Variants in PARD3 observed in about 807,000 individuals in gnomAD.
PARD3 encodes par-3 family cell polarity regulator, also known as partitioning defective 3 homolog.
In PARD3, 75 loss-of-function variants were observed where a neutral mutation model predicts 155.4. That is an observed-to-expected ratio of 0.48 (90% confidence interval 0.40 to 0.58). The LOEUF is 0.58. Among genes scored for constraint, PARD3 ranks in the 20% least tolerant of loss-of-function variants. The pLI, the probability that PARD3 is intolerant of heterozygous loss-of-function variation, is 0.00. For synonymous variants in PARD3, 576 were observed against 610.5 expected (o/e 0.94, Z 0.83); for missense variants, 1,642 against 1,721.7 (o/e 0.95, Z 0.82).
rs184826428 is a variant in PARD3, at chr10:34,494,904, T to C, written c.403+22075A>G. ...AATGTAGGATGCACTGGTAACAGGA[T>C]TGATAAGGTCTGCAAAGCTGGAGCC... On this transcript the variant is annotated intron_variant, in intron 3 of 24. Coordinates refer to ENST00000374788, the MANE Select transcript of PARD3 (RefSeq NM_001184785.2). Among the ~76,000 whole-genome samples, 18 of 152,234 alleles carry C rather than the reference T, an allele frequency of 1.2e-4. No individual in the cohort carries two copies. In the East Asian group the frequency reaches 2.1e-3, roughly 18 times the overall value.
At chr10:34,581,690 C>T (rs1008931356) in intron 2 of PARD3, among the ~76,000 whole-genome samples, 27 of 152,196 alleles carry the variant, frequency 1.8e-4, no homozygotes, top group African/African-American at 6.3e-4. Flanking sequence ...GACTCCTACA[C>T]TGCAAATCTA....
chr10:34,579,227 G>A (rs539395157), intron 2 of PARD3, among the ~76,000 whole-genome samples: 19 of 150,730 alleles, frequency 1.3e-4, no homozygotes, highest in East Asian at 2.0e-4. Context: ...CCAAGATCGC[G>A]CCACTGCGCT....
intron 2 of PARD3, among the ~76,000 whole-genome samples, chr10:34,669,576 CTTACGT>C (rs2133232750): frequency 1.3e-5 from 2 of 152,092 alleles, no homozygotes; most frequent in South Asian, 4.2e-4. Context: ...ACTTGTATTC[CTTACGT>C]TTACACAATT....
chr10:34,307,094 G>C (rs897645922), intron 20 of PARD3, among the ~76,000 whole-genome samples: 1 of 151,966 alleles, frequency 6.6e-6, no homozygotes, highest in Non-Finnish European at 1.5e-5. Flanking sequence ...GTTTCACCAT[G>C]TTAGCCAGGA....
chr10:34,387,576 G>T (rs1016182256), intron 7 of PARD3, among the ~76,000 whole-genome samples: 1 of 151,970 alleles, frequency 6.6e-6, no homozygotes. Context: ...CACGACCCCT[G>T]GCTAGTTTGT....
At chr10:34,698,922 C>T (rs1156441771) in intron 1 of PARD3, among the ~76,000 whole-genome samples, 1 of 152,132 alleles carries the variant, frequency 6.6e-6, no homozygotes, top group Non-Finnish European at 1.5e-5. Context: ...AGTGTGTCTT[C>T]CTCCCATAAC....
chr10:34,305,291 T>C (rs995332657), intron 20 of PARD3, among the ~76,000 whole-genome samples: 1 of 152,186 alleles, frequency 6.6e-6, no homozygotes, highest in Non-Finnish European at 1.5e-5. Flanking sequence ...TGGTGCCTCT[T>C]GAGAAATGTG....
At chr10:34,196,984 C>A (rs1183693972) in intron 22 of PARD3, among the ~76,000 whole-genome samples, 3 of 152,140 alleles carry the variant, frequency 2.0e-5, no homozygotes, top group Non-Finnish European at 4.4e-5. Context: ...TGTCCATCCA[C>A]CTCACGAAAT....
intron 4 of PARD3, among the ~76,000 whole-genome samples, chr10:34,456,622 A>G (rs1398818752): frequency 2.0e-5 from 3 of 152,196 alleles, no homozygotes; most frequent in Non-Finnish European, 4.4e-5. Flanking sequence ...ACTGAGTTAA[A>G]GTTTTGAACA....
At chr10:34,130,170 A>G (rs999895963) in intron 23 of PARD3, among the ~76,000 whole-genome samples, 3 of 152,114 alleles carry the variant, frequency 2.0e-5, no homozygotes, top group Non-Finnish European at 2.9e-5. Context: ...CCAAGATCCT[A>G]GAGTCCAAAA....
At chr10:34,706,220 A>G (rs947955252) in intron 1 of PARD3, among the ~76,000 whole-genome samples, 5 of 152,152 alleles carry the variant, frequency 3.3e-5, no homozygotes, top group African/African-American at 1.2e-4. Context: ...TATAATTCCT[A>G]TTTTCAGAGG....
chr10:34,388,278 G>A (rs1376218327), intron 7 of PARD3, among the ~76,000 whole-genome samples: 1 of 152,014 alleles, frequency 6.6e-6, no homozygotes, highest in Non-Finnish European at 1.5e-5. Flanking sequence ...AAAGGAAAGT[G>A]GTACAATCTG....
At chr10:34,608,975 A>G (rs1247363949) in intron 2 of PARD3, among the ~76,000 whole-genome samples, 1 of 152,226 alleles carries the variant, frequency 6.6e-6, no homozygotes, top group Non-Finnish European at 1.5e-5. Flanking sequence ...ACCAACCAAT[A>G]TGAGGACCTT....
At chr10:34,394,375 G>C (rs978389736) in intron 7 of PARD3, among the ~76,000 whole-genome samples, 4 of 151,996 alleles carry the variant, frequency 2.6e-5, no homozygotes, top group African/African-American at 4.8e-5. Context: ...TGCCAAGCTG[G>C]AGTACAGTGG....
intron 22 of PARD3, among the ~76,000 whole-genome samples, chr10:34,214,530 T>C (rs1951908259): frequency 6.6e-6 from 1 of 152,116 alleles, no homozygotes. Flanking sequence ...CCACAACCAA[T>C]ATATAAATGA....
At chr10:34,753,064 C>T (rs1460289344) in intron 1 of PARD3, among the ~76,000 whole-genome samples, 1 of 152,218 alleles carries the variant, frequency 6.6e-6, no homozygotes, top group East Asian at 1.9e-4. Flanking sequence ...GCACTTCAGT[C>T]ATCTCAGCCT....
chr10:34,721,682 T>TC (rs1358036377), intron 1 of PARD3, among the ~76,000 whole-genome samples: 3 of 152,196 alleles, frequency 2.0e-5, no homozygotes, highest in African/African-American at 7.2e-5. Context: ...GACATAAGAT[T>TC]CCCAGCTCTC....
At chr10:34,750,514 A>G (rs1246067673) in intron 1 of PARD3, among the ~76,000 whole-genome samples, 1 of 143,446 alleles carries the variant, frequency 7.0e-6, no homozygotes, top group African/African-American at 2.6e-5. Flanking sequence ...CACACACCCT[A>G]AGACTATAGA....
rs547938804 is a variant in PARD3 at position 34,201,791 on chromosome 10, A to G, written c.3419+67866T>C. ...AGGATACAGAGCTTCCATTATCGTA[A>G]AAACTAAAGGGAAGAAACGTCGTTC... On this transcript the variant is annotated intron_variant, in intron 22 of 24. Transcript: ENST00000374788. 2.0e-5 allele frequency among the ~76,000 whole-genome samples: 3 copies of G among 152,292 alleles called. No homozygotes were observed. In the South Asian group the frequency reaches 6.2e-4, roughly 32 times the overall value.
Sources: allele counts gnomAD v4.1 joint callset (sites outside exome capture counted in the v4.1 genomes callset), GRCh38; gene constraint gnomAD v4.1.1; transcripts MANE v1.5; gene names NCBI Gene and HGNC (gene_info 2026-07-23, HGNC 2026-07-21).